IKZF2: variants seen among roughly 807,000 people sequenced by gnomAD.
IKZF2 encodes the protein zinc finger protein Helios.
Under a neutral mutation model 49.2 loss-of-function variants are expected in IKZF2, and 15 were observed. The observed-to-expected ratio is 0.30, with a 90% CI of 0.20 to 0.47. The LOEUF (loss-of-function observed/expected upper bound fraction) is 0.47, where lower values mean the gene tolerates loss of function less well. Ranked by LOEUF, IKZF2 falls within the 20% of genes least tolerant of loss-of-function variation. The probability of loss-of-function intolerance (pLI) is 1.00; values close to 1 mark genes in which losing one functional copy is unlikely to be tolerated. For missense variants in IKZF2, 567 were observed against 664.6 expected, an observed-to-expected ratio of 0.85 and a Z score of 1.61; for synonymous variants, 227 against 221.4, an observed-to-expected ratio of 1.03 and a Z score of -0.23.
chr2:213,083,437 C>T (rs1704200816), intron 4 of IKZF2, among the ~76,000 whole-genome samples: 1 of 136,198 alleles, frequency 7.3e-6, no homozygotes, highest in South Asian at 2.3e-4. Context: ...GTTGCCCAGG[C>T]TGGAGTGCAA....
At chr2:213,027,440 C>T (rs1190979750) in intron 6 of IKZF2, among the ~76,000 whole-genome samples, 2 of 151,950 alleles carry the variant, frequency 1.3e-5, no homozygotes, top group Non-Finnish European at 2.9e-5. Flanking sequence ...TGCCACTTAC[C>T]CCTTCCTCTG....
At chr2:213,072,062 T>C (rs1448271805) in intron 4 of IKZF2, among the ~76,000 whole-genome samples, 2 of 152,140 alleles carry the variant, frequency 1.3e-5, no homozygotes, top group Non-Finnish European at 2.9e-5. Context: ...TTCTTCATGC[T>C]GATAATAGTT....
intron 1 of IKZF2, among the ~76,000 whole-genome samples, chr2:213,150,902 TG>T (rs1273823841): frequency 1.3e-5 from 2 of 150,712 alleles, no homozygotes; most frequent in Non-Finnish European, 2.9e-5. Context: ...CCAGGGTTTT[TG>T]GTTTTTTTTT....
At chr2:213,108,127 C>T (rs747268141) in intron 4 of IKZF2, among the ~76,000 whole-genome samples, 19 of 151,612 alleles carry the variant, frequency 1.3e-4, no homozygotes, top group South Asian at 4.2e-4. Flanking sequence ...TGAGATTTCC[C>T]GAAATATTCA....
At chr2:213,083,532 C>T (rs1050560408) in intron 4 of IKZF2, among the ~76,000 whole-genome samples, 6 of 147,586 alleles carry the variant, frequency 4.1e-5, no homozygotes, top group African/African-American at 1.5e-4. Flanking sequence ...TACAGACATG[C>T]GCCACCACAC....
At chr2:213,088,193 C>A (rs1704881308) in intron 4 of IKZF2, among the ~76,000 whole-genome samples, 1 of 152,196 alleles carries the variant, frequency 6.6e-6, no homozygotes, top group African/African-American at 2.4e-5. Context: ...TTAATGATCG[C>A]CATTCTAACT....
intron 4 of IKZF2, among the ~76,000 whole-genome samples, chr2:213,144,201 G>A (rs910494044): frequency 6.6e-5 from 10 of 151,806 alleles, no homozygotes; most frequent in African/African-American, 2.4e-5. Context: ...TACTTCTTCC[G>A]ATTCCATACA....
intron 4 of IKZF2, among the ~76,000 whole-genome samples, chr2:213,060,342 T>C (rs933962620): frequency 6.6e-6 from 1 of 151,402 alleles, no homozygotes; most frequent in African/African-American, 2.4e-5. Context: ...AAGACTTTTG[T>C]TATAATATTC....
At chr2:213,038,260 C>A (rs1309226568) in intron 6 of IKZF2, among the ~76,000 whole-genome samples, 2 of 152,042 alleles carry the variant, frequency 1.3e-5, no homozygotes, top group Non-Finnish European at 2.9e-5. Context: ...GGGGTTTCAC[C>A]GTGTTAGCCA....
chr2:213,019,882 G>C (rs181849889), intron 7 of IKZF2, among the ~76,000 whole-genome samples: 1 of 152,100 alleles, frequency 6.6e-6, no homozygotes, highest in Non-Finnish European at 1.5e-5. Context: ...AAATATACTT[G>C]TTTAAATTTT....
rs1223386534 is a variant in IKZF2 at position 213,083,509 on chromosome 2, G to C, written c.140-26410C>G. On this transcript the variant is annotated intron_variant, in intron 4 of 8. Transcript: ENST00000434687. ...AGTTTCAAGCGATTCTCCTGCCTCAGCCTAGCTGGGATTACAGACATGCGC... is the reference window on the plus strand; with the variant it reads ...AGTTTCAAGCGATTCTCCTGCCTCACCCTAGCTGGGATTACAGACATGCGC... Among the ~76,000 whole-genome samples, 3 of 144,316 alleles carry C rather than the reference G, an allele frequency of 2.1e-5. No homozygotes were observed. In the Admixed American group the frequency reaches 2.1e-4, roughly 10 times the overall value. The allele number at this position is 144,316 out of a possible 152,430, so 94.7% of individuals were successfully genotyped here.
chr2:213,082,117 G>T (rs1250138719), intron 4 of IKZF2, among the ~76,000 whole-genome samples: 2 of 152,144 alleles, frequency 1.3e-5, no homozygotes, highest in Non-Finnish European at 2.9e-5. Flanking sequence ...CTAGGATTTT[G>T]ATAACATGTC....
chr2:213,034,659 C>CTTGTTATTATT (rs1698825419), intron 6 of IKZF2, among the ~76,000 whole-genome samples: 1 of 152,054 alleles, frequency 6.6e-6, no homozygotes, highest in Non-Finnish European at 1.5e-5. Context: ...TTCGTGGTAT[C>CTTGTTATTATT]CTAAAACAGT....
chr2:213,057,009 C>T lies in IKZF2; in HGVS notation c.230G>A (p.Gly77Asp). The T allele has an allele frequency of 6.2e-7, 1 of 1,613,924 alleles. No individual in the cohort carries two copies. The highest frequency in any genetic ancestry group is 8.5e-7 in the Non-Finnish European group (1 of 1,179,920). ...REDEIRGHDE[G>D]SSLEEPLIES... ...AATTAGGGGTTCTTCTAGGCTGCTA[C>T]CCTCATCATGGCCCCTGATCTCATC... is the stretch of plus-strand genomic sequence containing the variant. The change falls in exon 5 of 9, where the codon GGT (glycine) becomes GAT (aspartate). Residue 77 changes from glycine (G) to aspartate (D), a missense_variant. Physicochemically the swap from Gly to Asp is moderately conservative, Grantham distance 94. Coordinates refer to ENST00000434687, the MANE Select transcript of IKZF2 (RefSeq NM_001387220.1).
chr2:213,136,818 T>C (rs1200421610), intron 4 of IKZF2, among the ~76,000 whole-genome samples: 1 of 152,204 alleles, frequency 6.6e-6, no homozygotes, highest in African/African-American at 2.4e-5. Flanking sequence ...TTCCTTCTTG[T>C]TCTTATTATT....
chr2:213,109,796 T>G (rs1324080829), intron 4 of IKZF2, among the ~76,000 whole-genome samples: 1 of 151,972 alleles, frequency 6.6e-6, no homozygotes, highest in East Asian at 1.9e-4. Flanking sequence ...TTAAATAATA[T>G]TATCATTTCT....
At chr2:213,058,532 A>C (rs1701381969) in intron 4 of IKZF2, among the ~76,000 whole-genome samples, 1 of 151,914 alleles carries the variant, frequency 6.6e-6, no homozygotes, top group African/African-American at 2.4e-5. Context: ...CTTATGGTAC[A>C]TAAACTACTC....
intron 4 of IKZF2, among the ~76,000 whole-genome samples, chr2:213,141,589 C>T (rs2060874889): frequency 6.6e-6 from 1 of 151,824 alleles, no homozygotes; most frequent in African/African-American, 2.4e-5. Context: ...ATTGAAAAGG[C>T]CTTCCAGTTA....
intron 4 of IKZF2, among the ~76,000 whole-genome samples, chr2:213,063,246 A>T (rs1701867787): frequency 6.6e-6 from 1 of 151,886 alleles, no homozygotes; most frequent in Non-Finnish European, 1.5e-5. Context: ...TCTCTGTTCA[A>T]TATAGCTATA....
Sources: gnomAD v4.1 joint callset for allele counts (sites outside exome capture counted in the v4.1 genomes callset) on GRCh38, gnomAD v4.1.1 for gene constraint, MANE v1.5 for transcripts, NCBI Gene and HGNC (gene_info 2026-07-23, HGNC 2026-07-21) for gene names.